Variants in SIL1 observed in about 807,000 individuals in gnomAD.
SIL1 encodes nucleotide exchange factor SIL1.
Under a neutral mutation model 49.1 loss-of-function variants are expected in SIL1, and 40 were observed. The observed-to-expected ratio is 0.81, with a 90% CI of 0.63 to 1.06. The LOEUF (loss-of-function observed/expected upper bound fraction) is 1.06. Ranked by LOEUF, SIL1 falls within the 50% of genes least tolerant of loss-of-function variation. The probability of loss-of-function intolerance (pLI) is 0.00; values close to 1 mark genes in which losing one functional copy is unlikely to be tolerated. For synonymous variants in SIL1, 253 were observed against 250.8 expected (o/e 1.01, Z -0.08); for missense variants, 500 against 572.6 (o/e 0.87, Z 1.29).
intron 5 of SIL1, among the ~76,000 whole-genome samples, chr5:139,029,288 A>G (rs746599156): frequency 6.6e-6 from 1 of 152,206 alleles, no homozygotes; most frequent in Non-Finnish European, 1.5e-5. Context: ...TGAGCTCTAG[A>G]TGTGCAGACA....
chr5:139,115,332 T>C (rs532447538), intron 3 of SIL1, among the ~76,000 whole-genome samples: 2 of 152,326 alleles, frequency 1.3e-5, no homozygotes, highest in South Asian at 2.1e-4. Context: ...GAGTGTACTT[T>C]GTTATTCCTA....
At chr5:139,030,476 CAA>C (rs944042630) in intron 5 of SIL1, among the ~76,000 whole-genome samples, 1 of 141,158 alleles carries the variant, frequency 7.1e-6, no homozygotes, top group African/African-American at 2.6e-5. Context: ...GACTCTGTCT[CAA>C]AAAAAAAAAT....
At chr5:139,034,859 G>A (rs1243002353) in intron 5 of SIL1, among the ~76,000 whole-genome samples, 1 of 152,162 alleles carries the variant, frequency 6.6e-6, no homozygotes, top group East Asian at 1.9e-4. Context: ...TTTCCACAAT[G>A]TGGAATTAAT....
intron 1 of SIL1, chr5:139,155,448 T>TGAGTGAGAGAGAGAGAGAGAGAGA (rs1751386846): frequency 4.0e-5 from 5 of 125,910 alleles, no homozygotes; most frequent in African/African-American, 8.2e-5. Flanking sequence ...GTACACAGAG[T>TGAGTGAGAGAGAGAGAGAGAGAGA]GAGAGAGAGA....
intron 1 of SIL1, among the ~76,000 whole-genome samples, chr5:139,144,285 T>C (rs986302475): frequency 6.6e-6 from 1 of 151,942 alleles, no homozygotes; most frequent in African/African-American, 2.4e-5. Flanking sequence ...GACAGTGCCA[T>C]TGCACTTTAG....
chr5:138,953,286 T>TGGC (rs1398657479), intron 7 of SIL1: 1 of 152,260 alleles, frequency 6.6e-6, no homozygotes, highest in Admixed American at 6.5e-5. Context: ...CAGAAGGAGC[T>TGGC]GGCTCCTGGT....
intron 3 of SIL1, among the ~76,000 whole-genome samples, chr5:139,110,197 G>A (rs950766642): frequency 1.3e-5 from 2 of 151,596 alleles, no homozygotes; most frequent in African/African-American, 4.8e-5. Context: ...GAGCCTGAAT[G>A]ACTTGACCAA....
At chr5:139,192,054 A>T (rs1752182765) in intron 1 of SIL1, among the ~76,000 whole-genome samples, 1 of 149,394 alleles carries the variant, frequency 6.7e-6, no homozygotes, top group Non-Finnish European at 1.5e-5. Flanking sequence ...CAGCCTGGGC[A>T]ACAGAGCAAG....
intron 1 of SIL1, among the ~76,000 whole-genome samples, chr5:139,187,120 A>T (rs1752089393): frequency 6.6e-6 from 1 of 152,206 alleles, no homozygotes; most frequent in Non-Finnish European, 1.5e-5. Flanking sequence ...CAAACATCAT[A>T]CCATAATAAA....
intron 3 of SIL1, among the ~76,000 whole-genome samples, chr5:139,067,858 A>G (rs2150470363): frequency 6.6e-6 from 1 of 152,390 alleles, no homozygotes; most frequent in African/African-American, 2.4e-5. Flanking sequence ...TTTATCTAAT[A>G]GAAATGTTCA....
chr5:139,137,220 G>T lies in SIL1; in HGVS notation c.-10-9367C>A, dbSNP rs1019421075. 23 of 648,368 alleles carry T rather than the reference G, an allele frequency of 3.5e-5. No homozygotes were observed. The South Asian group carries it at 3.9e-4, about 11-fold the overall frequency. 40.2% of individuals were successfully genotyped at this position (648,368 alleles called of 1,614,324 possible). A position where few individuals can be genotyped will look rare whatever the true frequency, so the allele number is the denominator to read the frequency against. The stretch of plus-strand genomic sequence containing the variant: ...ACATTTATAGAGAACTTTCCATGTT[G>T]CAAGCAAAGTATTAGTTCATTTACT... On this transcript the variant is annotated intron_variant, in intron 1 of 9. Transcript: ENST00000394817.
intron 3 of SIL1, among the ~76,000 whole-genome samples, chr5:139,061,921 CA>C (rs891395629): frequency 6.6e-6 from 1 of 152,122 alleles, no homozygotes; most frequent in Non-Finnish European, 1.5e-5. Context: ...TTCCCCAGAC[CA>C]AAAGGAATAC....
At chr5:139,000,017 G>A (rs868019655) in intron 7 of SIL1, among the ~76,000 whole-genome samples, 12 of 152,184 alleles carry the variant, frequency 7.9e-5, no homozygotes, top group African/African-American at 2.7e-4. Context: ...TAAAAGTGAT[G>A]TAAATAGGCA....
intron 3 of SIL1, among the ~76,000 whole-genome samples, chr5:139,077,056 C>A (rs1004422636): frequency 2.0e-5 from 3 of 152,194 alleles, no homozygotes; most frequent in Admixed American, 6.5e-5. Flanking sequence ...ATTGCTTGAA[C>A]CCAGGATGTG....
intron 7 of SIL1, among the ~76,000 whole-genome samples, chr5:138,952,267 T>G (rs1282557212): frequency 2.6e-5 from 4 of 152,236 alleles, no homozygotes; most frequent in Non-Finnish European, 4.4e-5. Context: ...TGTTCCTTCC[T>G]CCATGACCCA....
At chr5:138,977,874 A>T (rs905651866) in intron 7 of SIL1, among the ~76,000 whole-genome samples, 1 of 151,926 alleles carries the variant, frequency 6.6e-6, no homozygotes, top group Non-Finnish European at 1.5e-5. Context: ...CTACCTCAGG[A>T]CCCTTGCAAC....
chr5:138,998,969 G>A lies in SIL1; in HGVS notation c.767+22202C>T, dbSNP rs184767075. 4.0e-3 allele frequency among the ~76,000 whole-genome samples: 588 copies of A among 147,612 alleles called. 5 individuals are homozygous for A. The highest frequency in any genetic ancestry group is 4.3e-3 in the Non-Finnish European group (288 of 67,588). ...CCTCCCAGGTTCAAGTGATTCTCCTGCCTCAGCCTTCGGAGTAGCTGGGAT... is the reference window on the plus strand; with the variant it reads ...CCTCCCAGGTTCAAGTGATTCTCCTACCTCAGCCTTCGGAGTAGCTGGGAT... On this transcript the variant is annotated intron_variant, in intron 7 of 9. Transcript: ENST00000394817.
At chr5:139,004,879 T>C (rs1035851103) in intron 7 of SIL1, among the ~76,000 whole-genome samples, 3 of 152,202 alleles carry the variant, frequency 2.0e-5, no homozygotes, top group African/African-American at 7.2e-5. Context: ...TTGCATCATC[T>C]TGTGCATACG....
chr5:139,143,198 CATAT>C (rs975375689), intron 1 of SIL1, among the ~76,000 whole-genome samples: 4 of 150,000 alleles, frequency 2.7e-5, no homozygotes, highest in Non-Finnish European at 5.9e-5. Flanking sequence ...ATGATATATA[CATAT>C]ATATGTGTAT....
Sources: gnomAD v4.1 joint callset for allele counts (sites outside exome capture counted in the v4.1 genomes callset) on GRCh38, gnomAD v4.1.1 for gene constraint, MANE v1.5 for transcripts, NCBI Gene and HGNC (gene_info 2026-07-23, HGNC 2026-07-21) for gene names.